The following SNTG2 variants were observed in gnomAD, a reference collection of about 807,000 sequenced individuals.
SNTG2 encodes syntrophin gamma 2.
SNTG2 carries 74 observed loss-of-function variants against 70.9 expected under a neutral mutation model. The ratio of observed to expected loss-of-function variants is 1.04; its 90% CI spans 0.86 to 1.27. The LOEUF is 1.27. Ranked by LOEUF, SNTG2 falls within the 50% of genes most tolerant of loss-of-function variation. The probability of loss-of-function intolerance (pLI) is 0.00; values close to 1 mark genes in which losing one functional copy is unlikely to be tolerated. For missense variants in SNTG2, 717 were observed against 690.7 expected (o/e 1.04, Z -0.43); for synonymous variants, 278 against 273.8 (o/e 1.02, Z -0.15).
intron 1 of SNTG2, among the ~76,000 whole-genome samples, chr2:987,907 CG>C: frequency 6.6e-6 from 1 of 152,284 alleles, no homozygotes; most frequent in South Asian, 2.1e-4. Flanking sequence ...CATTTCTGCC[CG>C]GCAGTTCCAG....
At chr2:1,144,676 A>AAAAGGGG (rs1356999364) in intron 6 of SNTG2, among the ~76,000 whole-genome samples, 2 of 152,194 alleles carry the variant, frequency 1.3e-5, no homozygotes, top group Admixed American at 1.3e-4. Context: ...AGAAACAAGC[A>AAAAGGGG]AAAGGGGTTT....
At chr2:1,358,572 T>TATTAC (rs1461485220) in intron 16 of SNTG2, among the ~76,000 whole-genome samples, 8 of 152,200 alleles carry the variant, frequency 5.3e-5, no homozygotes, top group African/African-American at 1.9e-4. Flanking sequence ...TGTCTCAAGA[T>TATTAC]ATTTTCTAGT....
chr2:1,033,093 A>C (rs1322362867), intron 1 of SNTG2, among the ~76,000 whole-genome samples: 9 of 152,210 alleles, frequency 5.9e-5, no homozygotes, highest in Non-Finnish European at 1.3e-4. Context: ...AGAGGATGGC[A>C]CTGAACCACT....
intron 8 of SNTG2, among the ~76,000 whole-genome samples, chr2:1,204,531 A>G (rs934697728): frequency 6.6e-6 from 1 of 152,246 alleles, no homozygotes; most frequent in Non-Finnish European, 1.5e-5. Flanking sequence ...AATTCCAGAA[A>G]TAAACAATCA....
At chr2:1,010,192 G>T (rs1043639630) in intron 1 of SNTG2, among the ~76,000 whole-genome samples, 1 of 152,080 alleles carries the variant, frequency 6.6e-6, no homozygotes, top group East Asian at 1.9e-4. Flanking sequence ...TGAATGTGGC[G>T]TGAGCACTTA....
chr2:1,348,833 A>C (rs2148303330), intron 16 of SNTG2, among the ~76,000 whole-genome samples: 1 of 152,332 alleles, frequency 6.6e-6, no homozygotes, highest in South Asian at 2.1e-4. Flanking sequence ...GTTGAACAGA[A>C]ATCAGCTTAA....
Position 1,020,576 on chromosome 2 carries a change from A to T in SNTG2, c.73-62942A>T, listed in dbSNP as rs1014632942. Among the ~76,000 whole-genome samples the T allele has an allele frequency of 7.7e-3, 428 of 55,728 alleles. 2 individuals carry two copies. The highest frequency in any genetic ancestry group is 0.027 in the African/African-American group (349 of 12,976). The allele number at this position is 55,728 out of a possible 152,430, so 36.6% of individuals were successfully genotyped here. A position where few individuals can be genotyped will look rare whatever the true frequency, so the allele number is the denominator to read the frequency against. ...CCAAATTTGTAGGAATTTTTTTTTT[A>T]AAAAAATTCCAACAGAAAAGTTGGA... On this transcript the variant is annotated intron_variant, in intron 1 of 16. Coordinates refer to ENST00000308624, the MANE Select transcript of SNTG2 (RefSeq NM_018968.4).
At chr2:1,076,594 A>G (rs889798992) in intron 1 of SNTG2, among the ~76,000 whole-genome samples, 1 of 152,234 alleles carries the variant, frequency 6.6e-6, no homozygotes, top group Non-Finnish European at 1.5e-5. Flanking sequence ...CTCTGTTTGA[A>G]TCTGCTAGAA....
intron 1 of SNTG2, among the ~76,000 whole-genome samples, chr2:1,060,056 C>T (rs1245948824): frequency 1.3e-5 from 2 of 152,054 alleles, no homozygotes; most frequent in Non-Finnish European, 2.9e-5. Context: ...TTTATCCCTA[C>T]CTTACATCAT....
chr2:1,052,233 T>G (rs1368349905), intron 1 of SNTG2, among the ~76,000 whole-genome samples: 1 of 152,176 alleles, frequency 6.6e-6, no homozygotes, highest in Admixed American at 6.5e-5. Context: ...TTTAGAGGAA[T>G]TCACTGGGCC....
rs372006400 is a variant in SNTG2 at position 1,292,373 on chromosome 2, C to T, written c.1285-16121C>T. Among the ~76,000 whole-genome samples the T allele has an allele frequency of 4.6e-5, 7 of 152,120 alleles. No homozygotes were observed. In the South Asian group the frequency reaches 8.3e-4, roughly 18 times the overall value. On this transcript the variant is annotated intron_variant, in intron 14 of 16. Coordinates refer to ENST00000308624, the MANE Select transcript of SNTG2 (RefSeq NM_018968.4). ...TTCACAGTTGCTGTAGCTCGGATGT[C>T]TAGTATTGTGTGGAATATAATTGGC...
chr2:1,132,108 T>C (rs1668056015), intron 4 of SNTG2, among the ~76,000 whole-genome samples: 2 of 152,222 alleles, frequency 1.3e-5, no homozygotes, highest in Non-Finnish European at 2.9e-5. Flanking sequence ...AAACAATAAG[T>C]TGAACTGTAA....
chr2:1,281,949 T>G lies in SNTG2; in HGVS notation c.1284+14378T>G, dbSNP rs943624389. 2.6e-5 allele frequency among the ~76,000 whole-genome samples: 4 copies of G among 152,298 alleles called. No homozygotes were observed. The South Asian group carries it at 8.3e-4, about 32-fold the overall frequency. On this transcript the variant is annotated intron_variant, in intron 14 of 16. Transcript: ENST00000308624. ...GGTGGATGGGCTCACGGCCGAGCCT[T>G]GTGACCTTGCTACCACTTCTGGCAT...
At chr2:1,334,760 A>C (rs1331415326) in intron 16 of SNTG2, among the ~76,000 whole-genome samples, 1 of 152,118 alleles carries the variant, frequency 6.6e-6, no homozygotes, top group East Asian at 1.9e-4. Context: ...AGGCATACAA[A>C]TGATACAATG....
chr2:1,156,565 A>C (rs948999510), intron 6 of SNTG2, among the ~76,000 whole-genome samples: 1 of 152,178 alleles, frequency 6.6e-6, no homozygotes, highest in Non-Finnish European at 1.5e-5. Flanking sequence ...GCCAGCACTT[A>C]ACGTTTTTCT....
chr2:1,272,071 G>A (rs1032939794), intron 14 of SNTG2, among the ~76,000 whole-genome samples: 29 of 152,044 alleles, frequency 1.9e-4, no homozygotes, highest in East Asian at 1.9e-4. Context: ...GTTTTTCCAC[G>A]GACAGGGCCA....
intron 1 of SNTG2, among the ~76,000 whole-genome samples, chr2:1,055,737 T>C (rs763809421): frequency 6.6e-6 from 1 of 152,208 alleles, no homozygotes; most frequent in Non-Finnish European, 1.5e-5. Flanking sequence ...CCTAGGGTTA[T>C]CATGAAGGAT....
At chr2:1,185,796 G>T (rs1672209141) in intron 8 of SNTG2, among the ~76,000 whole-genome samples, 1 of 152,166 alleles carries the variant, frequency 6.6e-6, no homozygotes, top group African/African-American at 2.4e-5. Context: ...TGCTAAGAAG[G>T]TCCCTGAAAT....
intron 6 of SNTG2, among the ~76,000 whole-genome samples, chr2:1,164,934 CTT>C (rs952366135): frequency 2.0e-5 from 3 of 152,216 alleles, no homozygotes; most frequent in African/African-American, 7.2e-5. Context: ...AGCATCTAGA[CTT>C]TTAGTGTCTC....
Sources: allele counts gnomAD v4.1 joint callset (sites outside exome capture counted in the v4.1 genomes callset), GRCh38; gene constraint gnomAD v4.1.1; transcripts MANE v1.5; gene names NCBI Gene and HGNC (gene_info 2026-07-23, HGNC 2026-07-21).